Variants in ANO3 observed in about 807,000 individuals in gnomAD.
ANO3 encodes anoctamin-3.
A neutral mutation model predicts 144.8 loss-of-function variants in ANO3; 99 were observed. The observed-to-expected ratio is 0.68, with a 90% CI of 0.58 to 0.81. The LOEUF (loss-of-function observed/expected upper bound fraction) is 0.81. ANO3 is among the 30% of genes least tolerant of loss of function. The probability of loss-of-function intolerance (pLI) is 0.00; values close to 1 mark genes in which losing one functional copy is unlikely to be tolerated. For missense variants in ANO3, 905 were observed against 1,202.2 expected (o/e 0.75, Z 3.66); for synonymous variants, 414 against 392.6 (o/e 1.05, Z -0.64).
intron 11 of ANO3, among the ~76,000 whole-genome samples, chr11:26,544,451 G>A (rs1257779810): frequency 6.6e-6 from 1 of 150,834 alleles, no homozygotes; most frequent in African/African-American, 2.4e-5. Context: ...AGGAGGCAGA[G>A]GTTGGGGAGA....
rs1056503531 is a variant in ANO3 at position 26,451,475 on chromosome 11, G to A, written c.313+7639G>A. Among the ~76,000 whole-genome samples, 7 of 152,160 alleles carry A rather than the reference G, an allele frequency of 4.6e-5. No individual in the cohort carries two copies. The South Asian group carries it at 6.2e-4, about 13-fold the overall frequency. ...GAGGGTCCTACGCCCACGGAGTCTC[G>A]CTGATTGCTAGCACAGCAGTCTGAG... On this transcript the variant is annotated intron_variant, in intron 3 of 26. Coordinates refer to ENST00000256737, the MANE Select transcript of ANO3 (RefSeq NM_031418.4).
At chr11:26,590,064 T>C (rs1851399738) in intron 14 of ANO3, among the ~76,000 whole-genome samples, 1 of 152,188 alleles carries the variant, frequency 6.6e-6, no homozygotes, top group Non-Finnish European at 1.5e-5. Context: ...ATAACATCTC[T>C]GCCCTTTACC....
At chr11:26,657,950 T>C (rs1322546738) in intron 26 of ANO3, among the ~76,000 whole-genome samples, 1 of 152,134 alleles carries the variant, frequency 6.6e-6, no homozygotes, top group African/African-American at 2.4e-5. Flanking sequence ...TTATTTGCCA[T>C]GCAGGAACTT....
At chr11:26,332,532 GA>G (rs1477471600) in intron 1 of ANO3, among the ~76,000 whole-genome samples, 1 of 150,672 alleles carries the variant, frequency 6.6e-6, no homozygotes, top group Non-Finnish European at 1.5e-5. Context: ...GGGAGTATCG[GA>G]ATTCGTCATT....
At chr11:26,385,473 A>G (rs1856698396) in intron 1 of ANO3, among the ~76,000 whole-genome samples, 2 of 152,168 alleles carry the variant, frequency 1.3e-5, no homozygotes, top group South Asian at 4.2e-4. Context: ...GTTGTAGGGG[A>G]AAAAAATCTT....
At chr11:26,618,379 T>G (rs1009524544) in intron 17 of ANO3, among the ~76,000 whole-genome samples, 6 of 152,206 alleles carry the variant, frequency 3.9e-5, no homozygotes, top group African/African-American at 1.4e-4. Context: ...CATTTTTTGC[T>G]CACCATCCTT....
rs151039748 is a variant in ANO3 at position 26,630,731 on chromosome 11, G to A, written c.1874-3473G>A. ...TTCTTTTCTTTTATTACATTGTTGA[G>A]TAAGGAATTCTGTGGTAAATTTATA... On this transcript the variant is annotated intron_variant, in intron 18 of 26. Coordinates refer to ENST00000256737, the MANE Select transcript of ANO3 (RefSeq NM_031418.4). Among the ~76,000 whole-genome samples, 573 of 152,274 alleles carry A rather than the reference G, an allele frequency of 3.8e-3. 4 individuals carry two copies. Among genetic ancestry groups the A allele is most frequent in the African/African-American group, 0.013 (547 of 41,578 alleles).
intron 21 of ANO3, 21 bp downstream of exon 21, chr11:26,639,262 C>T (rs1194133401): frequency 6.3e-7 from 1 of 1,581,408 alleles, no homozygotes; most frequent in Admixed American, 1.7e-5. Flanking sequence ...TATTTTCAAA[C>T]TTGCCTTATG....
intron 1 of ANO3, among the ~76,000 whole-genome samples, chr11:26,401,985 T>C (rs1034878834): frequency 6.6e-6 from 1 of 152,218 alleles, no homozygotes; most frequent in East Asian, 1.9e-4. Context: ...CTCATTCTTT[T>C]TATGGTTACA....
At chr11:26,505,741 G>A (rs1414775875) in intron 4 of ANO3, among the ~76,000 whole-genome samples, 15 of 152,164 alleles carry the variant, frequency 9.9e-5, no homozygotes, top group Admixed American at 5.2e-4. Flanking sequence ...GGGAGGCCAA[G>A]GCGGGCGGAT....
At chr11:26,247,405 T>C (rs889620807) in intron 1 of ANO3, among the ~76,000 whole-genome samples, 1 of 152,222 alleles carries the variant, frequency 6.6e-6, no homozygotes, top group Non-Finnish European at 1.5e-5. Context: ...ATGAATCTAT[T>C]TCCAGTTTTT....
At chr11:26,631,109 A>C (rs186176869) in intron 18 of ANO3, among the ~76,000 whole-genome samples, 1 of 152,076 alleles carries the variant, frequency 6.6e-6, no homozygotes, top group East Asian at 1.9e-4. Flanking sequence ...TTGTCAACTG[A>C]AAATTATTGA....
chr11:26,205,047 A>G (rs1851770508), intron 1 of ANO3, among the ~76,000 whole-genome samples: 6 of 152,158 alleles, frequency 3.9e-5, no homozygotes. Flanking sequence ...AGGTGGTAAA[A>G]GAAGTACCAA....
intron 13 of ANO3, among the ~76,000 whole-genome samples, chr11:26,555,373 T>G (rs1850054951): frequency 6.6e-6 from 1 of 152,174 alleles, no homozygotes; most frequent in Non-Finnish European, 1.5e-5. Flanking sequence ...ACATATCTAA[T>G]AACACACATT....
In ANO3 at chr11:26,553,326, A is replaced by G. The variant is rs777629771; in HGVS notation, c.1367A>G (p.Asp456Gly). 1.2e-6 allele frequency: 2 copies of G among 1,611,444 alleles called. No individual in the cohort carries two copies. The highest frequency in any genetic ancestry group is 2.2e-5 in the South Asian group (2 of 90,830). ...DKNCSLQRLNDSCIYAKVTYL... is the reference protein window; with the variant it reads ...DKNCSLQRLNGSCIYAKVTYL... ...AACTGCTCCCTGCAGAGACTCAACGACAGCTGTATCTATGCCAAGGTGAGT... is the reference window on the plus strand; with the variant it reads ...AACTGCTCCCTGCAGAGACTCAACGGCAGCTGTATCTATGCCAAGGTGAGT... Residue 456 changes from aspartate (D) to glycine (G), a missense_variant, in exon 13 of 27, where the codon GAC becomes GGC. This residue lies in a region of ANO3 where 597 missense variants were observed against 865.1 expected (regional missense o/e 0.69). Coordinates refer to ENST00000256737, the MANE Select transcript of ANO3 (RefSeq NM_031418.4).
chr11:26,282,494 ACTT>A (rs951263745), intron 1 of ANO3, among the ~76,000 whole-genome samples: 4 of 151,720 alleles, frequency 2.6e-5, no homozygotes, highest in African/African-American at 7.3e-5. Context: ...CTTTTATTCC[ACTT>A]CTTCTCGGCT....
Position 26,534,451 on chromosome 11 carries a change from A to T in ANO3, c.870-5A>T, listed in dbSNP as rs780941402. ...AATATTAAACCAATCCCCTCATCTT[A>T]ACAGCTTCATAATAAATAATAAAGA... On this transcript the variant is annotated splice_region_variant and splice_polypyrimidine_tract_variant and intron_variant, in intron 8 of 26. Transcript: ENST00000256737. 1.3e-6 allele frequency: 2 copies of T among 1,596,528 alleles called. No homozygotes were observed. Among genetic ancestry groups the T allele is most frequent in the South Asian group, 2.2e-5 (2 of 90,348 alleles).
chr11:26,639,287 G>A (rs998642384), intron 21 of ANO3, 46 bp downstream of exon 21: 3 of 1,468,522 alleles, frequency 2.0e-6, no homozygotes, highest in East Asian at 2.3e-5. Context: ...GTTACAAAGA[G>A]GAAAGCTAGA....
chr11:26,237,393 G>A (rs1043544534), intron 1 of ANO3, among the ~76,000 whole-genome samples: 13 of 151,664 alleles, frequency 8.6e-5, no homozygotes, highest in Non-Finnish European at 1.5e-4. Flanking sequence ...TTAAATCAAT[G>A]AATACCATAA....
Sources: allele counts gnomAD v4.1 joint callset (sites outside exome capture counted in the v4.1 genomes callset), GRCh38; gene constraint gnomAD v4.1.1; regional missense constraint gnomAD v4.1.1; transcripts MANE v1.5; gene names NCBI Gene and HGNC (gene_info 2026-07-23, HGNC 2026-07-21).